PABIR3: variants seen among roughly 807,000 people sequenced by gnomAD.
PABIR3 encodes PABIR family member 3.
Under a neutral mutation model 23.1 loss-of-function variants are expected in PABIR3, and 20 were observed. That is an observed-to-expected ratio of 0.86 (90% CI 0.61 to 1.26). PABIR3 has a LOEUF of 1.26. PABIR3 is among the 50% of genes most tolerant of loss of function. PABIR3 has a pLI of 0.00. For missense variants in PABIR3, 189 were observed against 195.4 expected (o/e 0.97, Z 0.20); for synonymous variants, 69 against 68.5 (o/e 1.01, Z -0.04).
At chrX:134,807,167 C>T, upstream of PABIR3, 1 of 785,097 alleles carries the variant, frequency 1.3e-6, no homozygotes, top group Non-Finnish European at 1.5e-6. Context: ...CGTCGTCCGG[C>T]TGATAGCTTA....
At chrX:134,834,181 T>C (rs768087876) in intron 4 of PABIR3, 26 of 112,290 alleles carry the variant, frequency 2.3e-4, no homozygotes, top group African/African-American at 7.4e-4. Context: ...CAGCATCTAT[T>C]GTTTCTTGAG....
At chrX:134,837,898 G>A (rs1431672983) in intron 4 of PABIR3, among the ~76,000 whole-genome samples, 1 of 112,142 alleles carries the variant, frequency 8.9e-6, no homozygotes, top group Non-Finnish European at 1.9e-5. Flanking sequence ...ATATTAAATT[G>A]AAGAACTATA....
At chrX:134,804,267 G>A, upstream of PABIR3, 2 of 1,110,952 alleles carry the variant, frequency 1.8e-6, no homozygotes, top group Admixed American at 2.6e-5. Flanking sequence ...TAATGTGTGC[G>A]TAGAAATGGG....
rs898284514 is a variant in PABIR3 at position 134,849,239 on chromosome X, C to T, written c.589+11C>T. On this transcript the variant is annotated intron_variant, in intron 9 of 10. Coordinates refer to ENST00000645433, the MANE Select transcript of PABIR3 (RefSeq NM_001388447.1). Reference sequence around the variant, plus strand: ...CATTAAAAAGAAAAGGTACTTTTATCTAACAGTAGAAGTAAATATAACTTT... The same window carrying T: ...CATTAAAAAGAAAAGGTACTTTTATTTAACAGTAGAAGTAAATATAACTTT... 4 of 774,496 alleles carry T rather than the reference C, an allele frequency of 5.2e-6. No homozygotes were observed. Among genetic ancestry groups the T allele is most frequent in the Admixed American group, 5.6e-5 (1 of 17,853 alleles). The allele number at this position is 774,496 out of a possible 1,213,427, so 63.8% of individuals were successfully genotyped here.
chrX:134,803,310 A>T (rs2080112516), upstream of PABIR3, among the ~76,000 whole-genome samples: 3 of 111,263 alleles, frequency 2.7e-5, no homozygotes, highest in South Asian at 1.1e-3. Context: ...ACAATTTTTC[A>T]TTGTTCTTCC....
At chrX:134,864,702 C>T in the PABIR3 span, among the ~76,000 whole-genome samples, 1 of 111,963 alleles carries the variant, frequency 8.9e-6, no homozygotes, top group Non-Finnish European at 1.9e-5. Context: ...TTTGTTTATC[C>T]ATTCATGTGT....
chrX:134,811,577 G>A (rs1395638563), intron 2 of PABIR3, among the ~76,000 whole-genome samples: 4 of 110,181 alleles, frequency 3.6e-5, no homozygotes, highest in East Asian at 2.9e-4. Context: ...TAGTAGAGAC[G>A]GGTTTCACTA....
chrX:134,810,284 A>AT, intron 2 of PABIR3: 1 of 753,997 alleles, frequency 1.3e-6, no homozygotes, highest in Non-Finnish European at 1.6e-6. Context: ...TCTGCAAAGG[A>AT]TTTTTTTGTT....
intron 3 of PABIR3, chrX:134,823,135 G>A (rs1355047100): frequency 2.8e-5 from 3 of 108,086 alleles, no homozygotes; most frequent in South Asian, 3.9e-4. Context: ...GCGAGACTCC[G>A]TCTCAAAAAA....
intron 6 of PABIR3, among the ~76,000 whole-genome samples, chrX:134,846,244 C>G (rs1010128001): frequency 9.0e-6 from 1 of 111,718 alleles, no homozygotes; most frequent in Admixed American, 9.6e-5. Flanking sequence ...CCCCATGATT[C>G]TATTACCTCC....
chrX:134,821,088 G>GTGTA lies in PABIR3; in HGVS notation c.189+6240_189+6241insGTAT, dbSNP rs748164853. 2.1e-3 allele frequency among the ~76,000 whole-genome samples: 203 copies of GTGTA among 96,832 alleles called. 1 individual carries two copies. Among genetic ancestry groups the GTGTA allele is most frequent in the African/African-American group, 7.4e-3 (195 of 26,312 alleles). 84.1% of individuals were successfully genotyped at this position (96,832 alleles called of 115,157 possible). A position where few individuals can be genotyped will look rare whatever the true frequency, so the allele number is the denominator to read the frequency against. On this transcript the variant is annotated intron_variant, in intron 3 of 10. Coordinates refer to ENST00000645433, the MANE Select transcript of PABIR3 (RefSeq NM_001388447.1). ...TTTTATATTATATGTGTGTGTGTGT[G>GTGTA]TATATATATATATATATGGGTGTGT... is the stretch of plus-strand genomic sequence containing the variant.
downstream of PABIR3, among the ~76,000 whole-genome samples, chrX:134,855,512 C>T (rs1469142119): frequency 9.0e-6 from 1 of 111,578 alleles, no homozygotes; most frequent in East Asian, 2.8e-4. Context: ...TAGAAACATA[C>T]TCTTATGAAA....
At position 134,807,305 on chromosome X, in the gene PABIR3, A is replaced by T; in HGVS notation, c.-96A>T. 2 of 937,746 alleles carry T rather than the reference A, an allele frequency of 2.1e-6. No homozygotes were observed. Among genetic ancestry groups the T allele is most frequent in the Non-Finnish European group, 2.6e-6 (2 of 755,510 alleles). 77.3% of individuals were successfully genotyped at this position (937,746 alleles called of 1,213,427 possible). The stretch of plus-strand genomic sequence containing the variant: ...AGATGGAGAAGGATTCGCGGCGGTG[A>T]CAGATTAAATTCCCCAGTTACATTA... On this transcript the variant is annotated 5_prime_UTR_variant, in exon 1 of 11. It removes the in-frame stop codon of an upstream open reading frame in the 5' UTR. Transcript: ENST00000645433.
At chrX:134,802,093 T>A (rs1368710404) in intron 1 of PABIR3, among the ~76,000 whole-genome samples, 1 of 107,390 alleles carries the variant, frequency 9.3e-6, no homozygotes, top group Non-Finnish European at 1.9e-5. Context: ...CTTTCTTTTC[T>A]TTTCTTTTGA....
chrX:134,853,853 C>T (rs2082717643), intron 10 of PABIR3, among the ~76,000 whole-genome samples: 1 of 111,072 alleles, frequency 9.0e-6, no homozygotes, highest in African/African-American at 3.3e-5. Flanking sequence ...CTCCTGACCT[C>T]GTGATCCACC....
Position 134,829,775 on chromosome X carries a change from TGGGA to T in PABIR3, c.246+497_246+500del, listed in dbSNP as rs774487574. On this transcript the variant is annotated intron_variant, in intron 4 of 10. Coordinates refer to ENST00000645433, the MANE Select transcript of PABIR3 (RefSeq NM_001388447.1). ...GTGTGTTTGTGTTTGTGTATGTGGT[TGGGA>T]GGGTGTATGTGGGTGGGTGGGTGTG... 2.3e-4 allele frequency among the ~76,000 whole-genome samples: 25 copies of T among 111,106 alleles called. No homozygotes were observed. In the Middle Eastern group the frequency reaches 0.014, roughly 61 times the overall value.
the PABIR3 span, among the ~76,000 whole-genome samples, chrX:134,860,551 A>G: frequency 8.9e-6 from 1 of 112,014 alleles, no homozygotes; most frequent in Non-Finnish European, 1.9e-5. Flanking sequence ...GTGTGTATCA[A>G]AAGCCTTCAA....
At chrX:134,853,964 A>T (rs1314323693) in intron 10 of PABIR3, 127 bp from the exon 11 acceptor site, 2 of 701,351 alleles carry the variant, frequency 2.9e-6, no homozygotes, top group Admixed American at 6.3e-5. Flanking sequence ...TATGACTCTT[A>T]AAAAACTTTG....
chrX:134,851,727 A>G lies in PABIR3; in HGVS notation c.590-1073A>G, dbSNP rs141776130. ...GTTAAACCAAAAAAGAGAGCTGAGT[A>G]GTTTTTCTGTAGTGACATAAATGTA... On this transcript the variant is annotated intron_variant, in intron 9 of 10. Transcript: ENST00000645433. 4.5e-3 allele frequency among the ~76,000 whole-genome samples: 506 copies of G among 111,886 alleles called. 1 individual carries two copies. Among genetic ancestry groups the G allele is most frequent in the African/African-American group, 0.014 (436 of 30,866 alleles).
Sources: gnomAD v4.1 joint callset for allele counts (sites outside exome capture counted in the v4.1 genomes callset) on GRCh38, gnomAD v4.1.1 for gene constraint, MANE v1.5 for transcripts, NCBI Gene and HGNC (gene_info 2026-07-23, HGNC 2026-07-21) for gene names.